The following RASGRF1 variants were observed in gnomAD, a reference collection of about 807,000 sequenced individuals.
RASGRF1 encodes the protein ras-specific guanine nucleotide-releasing factor 1.
In RASGRF1, 40 loss-of-function variants were observed where a neutral mutation model predicts 138.7. The ratio of observed to expected loss-of-function variants is 0.29; its 90% CI spans 0.22 to 0.38. RASGRF1 has a LOEUF of 0.38. RASGRF1 is among the 10% of genes least tolerant of loss of function. RASGRF1 has a pLI of 1.00. For synonymous variants in RASGRF1, 614 were observed against 663.2 expected (o/e 0.93, Z 1.14); for missense variants, 1,108 against 1,650.4 (o/e 0.67, Z 5.69).
rs185326543 is a variant in RASGRF1 at position 79,049,772 on chromosome 15, C to T, written c.532-184G>A. Among the ~76,000 whole-genome samples the T allele has an allele frequency of 2.1e-3, 326 of 152,212 alleles. 3 individuals carry two copies. Among genetic ancestry groups the T allele is most frequent in the African/African-American group, 7.3e-3 (304 of 41,520 alleles). On this transcript the variant is annotated intron_variant, in intron 3 of 26. Transcript: ENST00000558480. ...CCAGGTCATGGAACCAGACAGGCCC[C>T]AGACATCTGTGAGAAGCGCTGCACG...
At chr15:79,063,871 T>C (rs2141062392) in intron 2 of RASGRF1, among the ~76,000 whole-genome samples, 2 of 152,310 alleles carry the variant, frequency 1.3e-5, no homozygotes, top group African/African-American at 4.8e-5. Flanking sequence ...CTGTTGTCTC[T>C]GTGGCACCTA....
intron 9 of RASGRF1, 119 bp from the exon 10 acceptor site, chr15:79,025,593 A>C: frequency 8.0e-7 from 1 of 1,249,170 alleles, no homozygotes; most frequent in Non-Finnish European, 1.1e-6. Context: ...TCTGTTTCCC[A>C]GTAGCAAATG....
chr15:79,090,678 A>C lies in RASGRF1; in HGVS notation c.-180T>G, dbSNP rs1026339242. ...CGCCGAGCCGCGGCTTCTTGAATCC[A>C]GATATACCATTCCCCGCTGGAACCT... On this transcript the variant is annotated 5_prime_UTR_variant, in exon 1 of 27. Transcript: ENST00000558480. 5 of 820,686 alleles carry C rather than the reference A, an allele frequency of 6.1e-6. No homozygotes were observed. Among genetic ancestry groups the C allele is most frequent in the Non-Finnish European group, 3.7e-6 (2 of 540,610 alleles). 50.8% of individuals were successfully genotyped at this position (820,686 alleles called of 1,614,324 possible).
chr15:79,029,979 T>A (rs984274341), intron 8 of RASGRF1, among the ~76,000 whole-genome samples: 3 of 152,144 alleles, frequency 2.0e-5, no homozygotes, highest in Non-Finnish European at 4.4e-5. Flanking sequence ...CCAAACCTTC[T>A]CCCTTGGGGA....
chr15:79,090,258 G>T lies in RASGRF1; in HGVS notation c.241C>A (p.Pro81Thr). 6.2e-7 allele frequency: 1 copy of T among 1,610,484 alleles called. No homozygotes were observed. Among genetic ancestry groups the T allele is most frequent in the Non-Finnish European group, 8.5e-7 (1 of 1,179,206 alleles). The part of the protein sequence containing the change: ...CVCDRAPSPK[P>T]ALSAKEPLEK... ...AGCGGCTCCTTGGCCGACAGCGCCGGCTTGGGGGAGGGCGCGCGGTCGCAG... is the reference window on the plus strand; with the variant it reads ...AGCGGCTCCTTGGCCGACAGCGCCGTCTTGGGGGAGGGCGCGCGGTCGCAG... The change falls in exon 1 of 27, where the codon CCG (proline) becomes ACG (threonine). Residue 81 changes from proline (P) to threonine (T), a missense_variant. By Grantham distance (38) the Pro-to-Thr change is conservative. Around this residue, in one of 3 missense-constraint regions of RASGRF1, gnomAD observed 253 missense variants for 329.5 expected, o/e 0.77. Transcript: ENST00000558480.
chr15:79,018,348 T>C (rs1398865293), intron 11 of RASGRF1, among the ~76,000 whole-genome samples: 1 of 152,220 alleles, frequency 6.6e-6, no homozygotes, highest in African/African-American at 2.4e-5. Context: ...CTTTTATGGA[T>C]TGGGCTGGAC....
chr15:78,982,215 C>T (rs2056050851), intron 23 of RASGRF1, among the ~76,000 whole-genome samples: 1 of 152,206 alleles, frequency 6.6e-6, no homozygotes, highest in Non-Finnish European at 1.5e-5. Flanking sequence ...GAAGCTTGAT[C>T]AGGAGGTCCC....
intron 1 of RASGRF1, among the ~76,000 whole-genome samples, chr15:79,069,144 G>A (rs2057721220): frequency 6.6e-6 from 1 of 152,118 alleles, no homozygotes; most frequent in African/African-American, 2.4e-5. Context: ...GCTTAATTTG[G>A]AAACTCTAGA....
chr15:79,040,230 A>T (rs2057278829), intron 5 of RASGRF1, among the ~76,000 whole-genome samples: 1 of 149,554 alleles, frequency 6.7e-6, no homozygotes, highest in Admixed American at 6.7e-5. Context: ...ATCACCTATC[A>T]CCCCCTCCCC....
Position 78,973,375 on chromosome 15 carries a change from G to A in RASGRF1, c.3540C>T (p.Asp1180=). 1.2e-6 allele frequency: 2 copies of A among 1,613,996 alleles called. No individual in the cohort carries two copies. The highest frequency in any genetic ancestry group is 1.7e-6 in the Non-Finnish European group (2 of 1,179,900). Residue 1180 remains aspartate, a synonymous_variant, in exon 25 of 27, where the codon GAC becomes GAT. Coordinates refer to ENST00000558480, the MANE Select transcript of RASGRF1 (RefSeq NM_001145648.3). This position sits in a 1 kb window ranked among gnomAD's most constrained non-coding sequence, Gnocchi z 4.9. ...GCGTCCCCTCCTCGATGAAGGCCAG[G>A]TCGGTGAGGTACATCCCCAGGTAAG... The part of the protein sequence containing the change: ...CVPYLGMYLT[D]LAFIEEGTPN...
intron 13 of RASGRF1, among the ~76,000 whole-genome samples, chr15:79,011,379 G>A (rs1021351686): frequency 6.6e-6 from 1 of 152,200 alleles, no homozygotes; most frequent in African/African-American, 2.4e-5. Flanking sequence ...ACCAAGGAGA[G>A]CACCTACATG....
At position 78,999,986 on chromosome 15, in the gene RASGRF1, C is replaced by T. The variant is rs949242237; in HGVS notation, c.2576-73G>A. ...CTCAGGCTGTTAGAAAACCAGGGGT[C>T]CCGAGGCTAGAGCAGCCTTAAGAGC... On this transcript the variant is annotated intron_variant, in intron 16 of 26. Transcript: ENST00000558480. 11 of 1,524,006 alleles carry T rather than the reference C, an allele frequency of 7.2e-6. No individual in the cohort carries two copies. In the African/African-American group the frequency reaches 9.6e-5, roughly 13 times the overall value. 94.4% of individuals were successfully genotyped at this position (1,524,006 alleles called of 1,614,324 possible).
At chr15:79,084,576 G>T (rs934098530) in intron 1 of RASGRF1, among the ~76,000 whole-genome samples, 3 of 152,218 alleles carry the variant, frequency 2.0e-5, no homozygotes, top group Non-Finnish European at 2.9e-5. Context: ...ATGCCGTTTT[G>T]TTCGGTCCAC....
intron 23 of RASGRF1, among the ~76,000 whole-genome samples, chr15:78,982,896 T>C (rs1595867784): frequency 6.6e-6 from 1 of 152,026 alleles, no homozygotes; most frequent in African/African-American, 2.4e-5. Context: ...GTTTTTTTTT[T>C]CCCCAAAGAG....
intron 4 of RASGRF1, 88 bp from the exon 5 acceptor site, chr15:79,047,087 G>C: frequency 6.6e-7 from 1 of 1,505,356 alleles, no homozygotes; most frequent in Non-Finnish European, 8.9e-7. Context: ...CCAAGGGTAG[G>C]AACCAAGGCT....
chr15:78,976,848 C>A (rs575119580), intron 24 of RASGRF1, among the ~76,000 whole-genome samples: 1 of 152,248 alleles, frequency 6.6e-6, no homozygotes, highest in South Asian at 2.1e-4. Context: ...AGAGCTGATA[C>A]GGGGGTGGCT....
chr15:79,086,996 C>G (rs982063192), intron 1 of RASGRF1, among the ~76,000 whole-genome samples: 2 of 152,164 alleles, frequency 1.3e-5, no homozygotes, highest in African/African-American at 4.8e-5. Flanking sequence ...CTTGCAGCTG[C>G]CAGATGGAAT....
chr15:78,966,411 ATTTTTTTGTAGAGTTGGGAGCCT>A (rs140215810), intron 26 of RASGRF1, among the ~76,000 whole-genome samples: 4,733 of 150,958 alleles, frequency 0.031, 140 homozygotes, highest in Admixed American at 0.068. Flanking sequence ...TAATGTTTTT[ATTTTTTTGTAGAGTTGGGAGCCT>A]TTACTCTGTT....
intron 23 of RASGRF1, among the ~76,000 whole-genome samples, chr15:78,982,886 G>A (rs1567446400): frequency 6.7e-6 from 1 of 149,900 alleles, no homozygotes; most frequent in Admixed American, 6.7e-5. Context: ...CGTCTCTTGG[G>A]TTTTTTTTTT....
Sources: gnomAD v4.1 joint callset for allele counts (sites outside exome capture counted in the v4.1 genomes callset) on GRCh38, gnomAD v4.1.1 for gene constraint, gnomAD v4.1.1 regional missense constraint, Gnocchi (gnomAD v3.1) non-coding constraint, MANE v1.5 for transcripts, NCBI Gene and HGNC (gene_info 2026-07-23, HGNC 2026-07-21) for gene names.